The following SPOCD1 variants were observed in gnomAD, a reference collection of about 807,000 sequenced individuals.
SPOCD1 encodes SPOC domain-containing protein 1.
SPOCD1 carries 64 observed loss-of-function variants against 92.2 expected under a neutral mutation model. That is an observed-to-expected ratio of 0.69 (90% CI 0.57 to 0.86). The LOEUF (loss-of-function observed/expected upper bound fraction) is 0.86, where lower values mean the gene tolerates loss of function less well. SPOCD1 is among the 40% of genes least tolerant of loss of function. The pLI is 0.00. For synonymous variants in SPOCD1, 578 were observed against 619.3 expected (o/e 0.93, Z 0.99); for missense variants, 1,360 against 1,543.1 (o/e 0.88, Z 1.99).
chr1:31,813,958 G>C lies in SPOCD1; in HGVS notation c.1376C>G (p.Pro459Arg), dbSNP rs768805104. ...RPEEPSPGGC[P>R]RLEEVKIPHG... ...CTCTCAGACTCAGCTCACCAGTCTG[G>C]GGCAGCCTCCTGGGCTGGGTTCCTC... Residue 459 changes from proline to arginine, a missense_variant, in exon 2 of 16, where the codon CCC (proline) becomes CGC (arginine). Physicochemically the swap from Pro to Arg is moderately radical, Grantham distance 103. Coordinates refer to ENST00000360482, the MANE Select transcript of SPOCD1 (RefSeq NM_144569.7). 2.2e-5 allele frequency: 34 copies of C among 1,536,716 alleles called. No individual in the cohort carries two copies. The East Asian group carries it at 5.0e-4, about 23-fold the overall frequency.
At chr1:31,801,427 G>C (rs1264418244) in intron 3 of SPOCD1, among the ~76,000 whole-genome samples, 1 of 152,142 alleles carries the variant, frequency 6.6e-6, no homozygotes, top group Non-Finnish European at 1.5e-5. Context: ...TTAAAAGTAG[G>C]TGAGTCTGAA....
chr1:31,791,881 TTGAC>T lies in SPOCD1; in HGVS notation c.2962+330_2962+333del, dbSNP rs75873951. ...AACAGAGTGAAGCCCAGTTCTGCTG[TTGAC>T]TGACTGTGTGACTTTGGACAAGTCA... On this transcript the variant is annotated intron_variant, in intron 15 of 15. Transcript: ENST00000360482. Among the ~76,000 whole-genome samples, 92 of 152,368 alleles carry T rather than the reference TTGAC, an allele frequency of 6.0e-4. No homozygotes were observed. The East Asian group carries it at 0.014, about 24-fold the overall frequency.
Position 31,814,637 on chromosome 1 carries a change from GAGGGCTCTGATC to G in SPOCD1, c.685_696del (p.Asp229_Pro232del). 5.2e-6 allele frequency: 8 copies of G among 1,535,546 alleles called. No homozygotes were observed. The highest frequency in any genetic ancestry group is 6.1e-6 in the Non-Finnish European group (7 of 1,141,836). On this transcript the variant is annotated inframe_deletion, in exon 2 of 16. Coordinates refer to ENST00000360482, the MANE Select transcript of SPOCD1 (RefSeq NM_144569.7). The surrounding 1 kb of genome is among the most constrained non-coding windows in gnomAD (Gnocchi z 4.2). ...CCCACAGACAGGAGGTTGTCCCCAC[GAGGGCTCTGATC>G]AAGCCACAGGAAGTCACCAGCCCCT...
At position 31,793,856 on chromosome 1, in the gene SPOCD1, C is replaced by G; in HGVS notation, c.2425G>C (p.Ala809Pro). 6.2e-7 allele frequency: 1 copy of G among 1,613,992 alleles called. No homozygotes were observed. The highest frequency in any genetic ancestry group is 8.5e-7 in the Non-Finnish European group (1 of 1,179,896). Residue 809 changes from alanine to proline, a missense_variant, in exon 12 of 16, where the codon GCC becomes CCC. Transcript: ENST00000360482. ...AAGATATTGTCCCCGCAGCTCTTGG[C>G]GGCTTCGAAGGAGCCTAGCAGCTCA... ...SNELLGSFEA[A>P]KSCGDNIFQK...
At chr1:31,803,813 AAGG>A (rs1311817224) in intron 2 of SPOCD1, among the ~76,000 whole-genome samples, 3 of 151,118 alleles carry the variant, frequency 2.0e-5, no homozygotes, top group African/African-American at 4.9e-5. Context: ...AAGGAAAGGA[AAGG>A]AGAAGAAGGA....
Position 31,799,390 on chromosome 1 carries a change from C to G in SPOCD1, c.1868+11G>C. The G allele has an allele frequency of 6.2e-7, 1 of 1,602,222 alleles. No individual in the cohort carries two copies. The highest frequency in any genetic ancestry group is 1.3e-5 in the African/African-American group (1 of 74,916). ...CTTGGGATGTCAGGGGAGTGGGGAGCAAGGCCTCACCGAGTCCATAGTACC... is the reference window on the plus strand; with the variant it reads ...CTTGGGATGTCAGGGGAGTGGGGAGGAAGGCCTCACCGAGTCCATAGTACC... On this transcript the variant is annotated intron_variant, in intron 7 of 15. Transcript: ENST00000360482.
chr1:31,790,592 G>T lies in SPOCD1; in HGVS notation c.*11C>A, dbSNP rs374841071. 1.9e-6 allele frequency: 3 copies of T among 1,550,686 alleles called. No homozygotes were observed. The highest frequency in any genetic ancestry group is 2.0e-5 in the Admixed American group (1 of 50,958). ...GGGCATCAAAACCCCTGTTCTGGTGGGTAAGGAGGGTCAGGCCTTTCTAGG... is the reference window on the plus strand; with the variant it reads ...GGGCATCAAAACCCCTGTTCTGGTGTGTAAGGAGGGTCAGGCCTTTCTAGG... On this transcript the variant is annotated 3_prime_UTR_variant, in exon 16 of 16. Coordinates refer to ENST00000360482, the MANE Select transcript of SPOCD1 (RefSeq NM_144569.7).
chr1:31,806,034 A>G (rs1648796213), intron 2 of SPOCD1, among the ~76,000 whole-genome samples: 1 of 152,114 alleles, frequency 6.6e-6, no homozygotes, highest in Non-Finnish European at 1.5e-5. Flanking sequence ...CTGACTACAT[A>G]ATGATATGTA....
chr1:31,794,892 C>A (rs968837717), intron 10 of SPOCD1: 2 of 152,178 alleles, frequency 1.3e-5, no homozygotes, highest in Admixed American at 1.3e-4. Context: ...ACTTGGTGTT[C>A]TCTTTTTGTT....
At chr1:31,793,474 G>A (rs1442759960) in intron 12 of SPOCD1, 46 bp from the exon 13 acceptor site, 4 of 1,552,124 alleles carry the variant, frequency 2.6e-6, no homozygotes, top group East Asian at 2.4e-5. Context: ...CAGGCCATGA[G>A]GACTTCCCCG....
rs116271591 is a variant in SPOCD1, at chr1:31,802,713, C to T, written c.1384-1008G>A. Among the ~76,000 whole-genome samples the T allele has an allele frequency of 4.5e-3, 689 of 152,230 alleles. 5 individuals carry two copies. Among genetic ancestry groups the T allele is most frequent in the African/African-American group, 0.016 (658 of 41,532 alleles). ...ACTTGGGTATTCATGTTATTCAAAA[C>T]GAGCGTGTATTTCTTTTACAACCGG... is the stretch of plus-strand genomic sequence containing the variant. On this transcript the variant is annotated intron_variant, in intron 2 of 15. Coordinates refer to ENST00000360482, the MANE Select transcript of SPOCD1 (RefSeq NM_144569.7).
At chr1:31,802,354 T>C (rs1397480440) in intron 2 of SPOCD1, among the ~76,000 whole-genome samples, 3 of 152,154 alleles carry the variant, frequency 2.0e-5, no homozygotes, top group Non-Finnish European at 2.9e-5. Flanking sequence ...CACCATGAGG[T>C]ATATACTATT....
intron 15 of SPOCD1, among the ~76,000 whole-genome samples, chr1:31,791,966 T>C (rs139474087): frequency 3.9e-5 from 6 of 152,392 alleles, no homozygotes; most frequent in Non-Finnish European, 7.3e-5. Flanking sequence ...TCTAGTCTAA[T>C]AGTACCATTC....
Position 31,798,192 on chromosome 1 carries a change from G to A in SPOCD1, c.2145+15C>T. 1.2e-6 allele frequency: 2 copies of A among 1,603,412 alleles called. No homozygotes were observed. Among genetic ancestry groups the A allele is most frequent in the Non-Finnish European group, 8.5e-7 (1 of 1,170,284 alleles). ...CTACATCCCCTCACCCATCCCGACT[G>A]GGCTCAGCACTCACCCTTTTCTCCT... On this transcript the variant is annotated intron_variant, in intron 9 of 15. Coordinates refer to ENST00000360482, the MANE Select transcript of SPOCD1 (RefSeq NM_144569.7). The surrounding 1 kb of genome is among the most constrained non-coding windows in gnomAD (Gnocchi z 4.1).
At chr1:31,792,825 C>A in intron 13 of SPOCD1, 58 bp from the exon 14 acceptor site, 1 of 1,346,172 alleles carries the variant, frequency 7.4e-7, no homozygotes, top group Non-Finnish European at 1.0e-6. Context: ...TCAGGGTGGA[C>A]GCATTCCCAG....
chr1:31,801,661 T>A lies in SPOCD1; in HGVS notation c.1425+3A>T. 1.2e-6 allele frequency: 2 copies of A among 1,613,526 alleles called. No individual in the cohort carries two copies. The highest frequency in any genetic ancestry group is 1.7e-6 in the Non-Finnish European group (2 of 1,179,608). ...AAAGCAATAATAAAATGTAAAAACC[T>A]ACGTAGCACACAAGCTTCACTCCAT... On this transcript the variant is annotated splice_donor_region_variant and intron_variant, in intron 3 of 15. Coordinates refer to ENST00000360482, the MANE Select transcript of SPOCD1 (RefSeq NM_144569.7).
Position 31,790,548 on chromosome 1 carries a change from C to A in SPOCD1, c.*55G>T. On this transcript the variant is annotated 3_prime_UTR_variant, in exon 16 of 16. Transcript: ENST00000360482. ...CTTGCAGTCCCACCTCTCTCTGGAACAGGCTTCAACACTAGTGAGGGCATC... is the reference window on the plus strand; with the variant it reads ...CTTGCAGTCCCACCTCTCTCTGGAAAAGGCTTCAACACTAGTGAGGGCATC... 6.7e-7 allele frequency: 1 copy of A among 1,482,700 alleles called. No homozygotes were observed. The highest frequency in any genetic ancestry group is 9.1e-7 in the Non-Finnish European group (1 of 1,093,414). 91.8% of individuals were successfully genotyped at this position (1,482,700 alleles called of 1,614,324 possible). A position where few individuals can be genotyped will look rare whatever the true frequency, so the allele number is the denominator to read the frequency against.
chr1:31,802,877 T>C (rs907841081), intron 2 of SPOCD1, among the ~76,000 whole-genome samples: 1 of 152,156 alleles, frequency 6.6e-6, no homozygotes, highest in Non-Finnish European at 1.5e-5. Context: ...TGCAAGAACC[T>C]ATCTAACCCA....
Position 31,798,280 on chromosome 1 carries a change from T to A in SPOCD1, c.2072A>T (p.Asp691Val). 1.2e-6 allele frequency: 2 copies of A among 1,613,892 alleles called. No homozygotes were observed. ...CTGCATCGAGCTCATCCGCACCAGGTCGTAGGGGGTGACATCTCCATGAAC... is the reference window on the plus strand; with the variant it reads ...CTGCATCGAGCTCATCCGCACCAGGACGTAGGGGGTGACATCTCCATGAAC... Reference protein sequence around the residue: ...KVVHGDVTPYDLVRMSSMQLA... With the variant: ...KVVHGDVTPYVLVRMSSMQLA... Residue 691 changes from aspartate to valine, a missense_variant, in exon 9 of 16, where the codon GAC becomes GTC. By Grantham distance (152) the Asp-to-Val change is radical. Coordinates refer to ENST00000360482, the MANE Select transcript of SPOCD1 (RefSeq NM_144569.7). This position sits in a 1 kb window ranked among gnomAD's most constrained non-coding sequence, Gnocchi z 4.1.
Sources: allele counts gnomAD v4.1 joint callset (sites outside exome capture counted in the v4.1 genomes callset), GRCh38; gene constraint gnomAD v4.1.1; non-coding constraint Gnocchi (gnomAD v3.1); transcripts MANE v1.5; gene names NCBI Gene and HGNC (gene_info 2026-07-23, HGNC 2026-07-21).